The following PCDHA7 variants were observed in gnomAD, a reference collection of about 807,000 sequenced individuals.
PCDHA7 encodes the protein protocadherin alpha 7, also known as protocadherin alpha-7.
PCDHA7 carries 37 observed loss-of-function variants against 57.2 expected under a neutral mutation model. The ratio of observed to expected loss-of-function variants is 0.65; its 90% CI spans 0.50 to 0.85. PCDHA7 has a LOEUF of 0.85. PCDHA7 is among the 40% of genes least tolerant of loss of function. The pLI, the probability that PCDHA7 is intolerant of heterozygous loss-of-function variation, is 0.00. For missense variants in PCDHA7, 1,188 were observed against 1,241.8 expected (o/e 0.96, Z 0.65); for synonymous variants, 553 against 558.8 (o/e 0.99, Z 0.15).
intron 2 of PCDHA7, among the ~76,000 whole-genome samples, chr5:140,979,425 A>G (rs1009935948): frequency 2.0e-5 from 3 of 151,814 alleles, no homozygotes; most frequent in African/African-American, 7.3e-5. Context: ...TTTTAATCTC[A>G]CATTGGCTAT....
At chr5:140,926,512 C>T in intron 1 of PCDHA7, 1 of 197,914 alleles carries the variant, frequency 5.1e-6, no homozygotes. Context: ...GTCTCCCAGG[C>T]TCCGCCCTGC....
chr5:140,926,713 C>T (rs1018008271), intron 1 of PCDHA7: 2 of 944,684 alleles, frequency 2.1e-6, no homozygotes, highest in Non-Finnish European at 2.9e-6. Context: ...CTGGCCAGCC[C>T]CGGCAATGCC....
intron 1 of PCDHA7, chr5:140,841,947 A>G (rs2150326341): frequency 2.5e-6 from 4 of 1,613,886 alleles, no homozygotes; most frequent in Admixed American, 3.3e-5. Context: ...CCTGCGCACC[A>G]CTTATTCCTG....
At position 140,855,973 on chromosome 5, in the gene PCDHA7, T is replaced by A. The variant is rs371048948; in HGVS notation, c.2355+19235T>A. ...TTCGATAAAAAATAGATATAAGAAATAGGACAGAAAATGTCAGATCGTATG... is the reference window on the plus strand; with the variant it reads ...TTCGATAAAAAATAGATATAAGAAAAAGGACAGAAAATGTCAGATCGTATG... On this transcript the variant is annotated intron_variant, in intron 1 of 3. Coordinates refer to ENST00000525929, the MANE Select transcript of PCDHA7 (RefSeq NM_018910.3). 71 of 1,440,548 alleles carry A rather than the reference T, an allele frequency of 4.9e-5. 4 individuals are homozygous for A. The Middle Eastern group carries it at 9.2e-4, about 19-fold the overall frequency. The allele number at this position is 1,440,548 out of a possible 1,614,324, so 89.2% of individuals were successfully genotyped here.
chr5:140,932,469 A>T (rs1356318037), intron 1 of PCDHA7, among the ~76,000 whole-genome samples: 12 of 152,030 alleles, frequency 7.9e-5, no homozygotes, highest in African/African-American at 2.4e-4. Context: ...TATATAGGAA[A>T]TAGGATATCT....
chr5:141,000,051 C>T (rs1483967510), intron 3 of PCDHA7, among the ~76,000 whole-genome samples: 3 of 152,100 alleles, frequency 2.0e-5, no homozygotes, highest in African/African-American at 7.2e-5. Flanking sequence ...ACACCACTCT[C>T]CCAGCTGCTC....
chr5:140,966,260 A>C, intron 1 of PCDHA7: 1 of 339,990 alleles, frequency 2.9e-6, no homozygotes, highest in Admixed American at 4.8e-5. Context: ...GACGGTGGAG[A>C]CTGGATGAAC....
intron 1 of PCDHA7, chr5:140,884,195 C>T: frequency 6.2e-7 from 1 of 1,613,394 alleles, no homozygotes; most frequent in Non-Finnish European, 8.5e-7. Flanking sequence ...GGTGGACGCG[C>T]CGCACCACCG....
intron 1 of PCDHA7, among the ~76,000 whole-genome samples, chr5:140,922,855 A>C (rs1216713034): frequency 6.6e-6 from 1 of 152,246 alleles, no homozygotes; most frequent in Non-Finnish European, 1.5e-5. Context: ...GACCAAATAC[A>C]TAGACAAGGG....
At chr5:140,850,261 T>C (rs2150476326) in intron 1 of PCDHA7, 3 of 1,592,442 alleles carry the variant, frequency 1.9e-6, no homozygotes, top group African/African-American at 1.4e-5. Flanking sequence ...GGCGCCGGCG[T>C]AGTGGTGGGG....
At chr5:140,980,584 C>A (rs1447001293) in intron 2 of PCDHA7, among the ~76,000 whole-genome samples, 1 of 151,934 alleles carries the variant, frequency 6.6e-6, no homozygotes, top group Non-Finnish European at 1.5e-5. Context: ...GAGCCAAGAT[C>A]GAGCCACTGC....
chr5:140,851,850 C>T (rs2042178583), intron 1 of PCDHA7: 1 of 971,904 alleles, frequency 1.0e-6, no homozygotes, highest in South Asian at 4.8e-5. Context: ...TTTTTCTCCT[C>T]TCAGCTCATA....
chr5:140,894,778 T>C (rs1477645245), intron 1 of PCDHA7, among the ~76,000 whole-genome samples: 1 of 152,140 alleles, frequency 6.6e-6, no homozygotes, highest in Non-Finnish European at 1.5e-5. Flanking sequence ...TTTAGTGTAA[T>C]TATTTGTCCT....
intron 1 of PCDHA7, chr5:140,930,415 G>T (rs2086824319): frequency 6.6e-6 from 1 of 151,804 alleles, no homozygotes; most frequent in African/African-American, 2.4e-5. Flanking sequence ...TGAGACAGGG[G>T]TCTCACTATG....
chr5:140,845,157 C>T (rs1273679091), intron 1 of PCDHA7, among the ~76,000 whole-genome samples: 6 of 149,288 alleles, frequency 4.0e-5, no homozygotes, highest in Non-Finnish European at 7.5e-5. Context: ...TGTGTAAAAG[C>T]GAATTGTTTT....
intron 1 of PCDHA7, among the ~76,000 whole-genome samples, chr5:140,942,896 C>CT (rs1554215262): frequency 6.6e-6 from 1 of 151,664 alleles, no homozygotes; most frequent in African/African-American, 2.4e-5. Flanking sequence ...AAATTTATCT[C>CT]TAAGAATAAG....
chr5:140,964,238 T>G (rs1354844619), intron 1 of PCDHA7, among the ~76,000 whole-genome samples: 1 of 152,208 alleles, frequency 6.6e-6, no homozygotes, highest in Admixed American at 6.5e-5. Flanking sequence ...AGGCTGATTG[T>G]GTTGGCTTTA....
At chr5:140,950,439 G>A (rs1448812695) in intron 1 of PCDHA7, among the ~76,000 whole-genome samples, 1 of 151,962 alleles carries the variant, frequency 6.6e-6, no homozygotes, top group Non-Finnish European at 1.5e-5. Context: ...TAAAAAAAAT[G>A]TTATTCTACT....
chr5:140,889,409 A>C (rs1448554315), intron 1 of PCDHA7, among the ~76,000 whole-genome samples: 5 of 152,024 alleles, frequency 3.3e-5, no homozygotes, highest in African/African-American at 1.2e-4. Context: ...TACTCGAGTC[A>C]GTTACGTAGA....
Sources: allele counts gnomAD v4.1 joint callset (sites outside exome capture counted in the v4.1 genomes callset), GRCh38; gene constraint gnomAD v4.1.1; transcripts MANE v1.5; gene names NCBI Gene and HGNC (gene_info 2026-07-23, HGNC 2026-07-21).